Variants in PAX5 observed in about 807,000 individuals in gnomAD.
PAX5 encodes paired box protein Pax-5.
Under a neutral mutation model 43.7 loss-of-function variants are expected in PAX5, and 9 were observed. The ratio of observed to expected loss-of-function variants is 0.21; its 90% CI spans 0.12 to 0.36. PAX5 has a LOEUF of 0.36. Ranked by LOEUF, PAX5 falls within the 10% of genes least tolerant of loss-of-function variation. The probability of loss-of-function intolerance (pLI) is 1.00; values close to 1 mark genes in which losing one functional copy is unlikely to be tolerated. For missense variants in PAX5, 383 were observed against 532.7 expected, an observed-to-expected ratio of 0.72 and a Z score of 2.77; for synonymous variants, 228 against 214.3, an observed-to-expected ratio of 1.06 and a Z score of -0.56.
intron 2 of PAX5, 137 bp downstream of exon 2, chr9:37,020,499 G>A (rs1839762691): frequency 1.1e-6 from 1 of 882,398 alleles, no homozygotes; most frequent in South Asian, 1.7e-5. Flanking sequence ...GGGCTTTGCA[G>A]ACTTTAAAGT....
intron 8 of PAX5, among the ~76,000 whole-genome samples, chr9:36,867,384 C>T (rs1203022624): frequency 6.6e-6 from 1 of 152,192 alleles, no homozygotes; most frequent in Non-Finnish European, 1.5e-5. Context: ...AGTCACACTC[C>T]AAATTGGCAA....
chr9:36,934,120 G>T (rs1831357757), intron 6 of PAX5, among the ~76,000 whole-genome samples: 1 of 152,228 alleles, frequency 6.6e-6, no homozygotes, highest in Non-Finnish European at 1.5e-5. Flanking sequence ...ATTCCACCGG[G>T]TCTGGGGCCA....
At chr9:36,971,493 C>A (rs1834922490) in intron 5 of PAX5, among the ~76,000 whole-genome samples, 2 of 152,176 alleles carry the variant, frequency 1.3e-5, no homozygotes, top group African/African-American at 4.8e-5. Context: ...TGGAGGCAGG[C>A]TACAGAAATG....
intron 9 of PAX5, among the ~76,000 whole-genome samples, chr9:36,846,592 G>A (rs1006926431): frequency 2.6e-5 from 4 of 151,962 alleles, no homozygotes; most frequent in African/African-American, 9.7e-5. Context: ...TTTTTCCTCT[G>A]TTTCCCTTCT....
intron 1 of PAX5, among the ~76,000 whole-genome samples, chr9:37,033,237 T>C (rs543665271): frequency 1.4e-3 from 210 of 152,334 alleles, no homozygotes; most frequent in Non-Finnish European, 2.6e-3. Flanking sequence ...TTCCTGGTCC[T>C]ATCTCCCAAT....
At chr9:36,930,837 G>A (rs1317178555) in intron 6 of PAX5, 18 of 1,304,674 alleles carry the variant, frequency 1.4e-5, no homozygotes, top group African/African-American at 6.0e-5. Context: ...AAGGAGGCAC[G>A]TGCCCCAGGA....
chr9:36,924,736 GA>G (rs1830461054), intron 6 of PAX5, among the ~76,000 whole-genome samples: 1 of 25,924 alleles, frequency 3.9e-5, no homozygotes, highest in Non-Finnish European at 8.4e-5. Context: ...GAAAGAGGTG[GA>G]AGGAAGGAAG....
chr9:37,032,882 G>A (rs182196044), intron 1 of PAX5, among the ~76,000 whole-genome samples: 61 of 152,348 alleles, frequency 4.0e-4, no homozygotes, highest in African/African-American at 1.3e-3. Context: ...CCTAAGCCAG[G>A]GAGGCCTGTG....
chr9:36,949,091 T>C (rs1455049627), intron 6 of PAX5, among the ~76,000 whole-genome samples: 1 of 152,222 alleles, frequency 6.6e-6, no homozygotes, highest in African/African-American at 2.4e-5. Context: ...AGACAGAGTC[T>C]CGCTCTGTCG....
In PAX5 at chr9:37,002,805, C is replaced by T. The variant is rs760400897; in HGVS notation, c.476-29G>A. The T allele has an allele frequency of 8.8e-6, 14 of 1,594,104 alleles. No homozygotes were observed. In the East Asian group the frequency reaches 2.9e-4, roughly 34 times the overall value. The stretch of plus-strand genomic sequence containing the variant: ...CGCGGAGAAAGACGGGCGGTCAGGG[C>T]CGCAGAGGGCTGAGGGCGGCGGACC... On this transcript the variant is annotated intron_variant, in intron 4 of 9. Coordinates refer to ENST00000358127, the MANE Select transcript of PAX5 (RefSeq NM_016734.3).
chr9:36,958,856 C>G (rs558573796), intron 6 of PAX5, among the ~76,000 whole-genome samples: 1 of 152,234 alleles, frequency 6.6e-6, no homozygotes, highest in African/African-American at 2.4e-5. Flanking sequence ...ACTCCTCCCC[C>G]ATGGGACCTG....
intron 6 of PAX5, among the ~76,000 whole-genome samples, chr9:36,962,823 C>G (rs1465751925): frequency 1.3e-5 from 2 of 152,218 alleles, no homozygotes; most frequent in Non-Finnish European, 2.9e-5. Context: ...ACTGAGACAG[C>G]TCAATCTGCT....
At chr9:36,948,148 G>T (rs975389701) in intron 6 of PAX5, among the ~76,000 whole-genome samples, 1 of 152,198 alleles carries the variant, frequency 6.6e-6, no homozygotes, top group African/African-American at 2.4e-5. Context: ...GAGTGAGGGG[G>T]AGCAAACTAT....
intron 8 of PAX5, among the ~76,000 whole-genome samples, chr9:36,875,098 C>T (rs1028163275): frequency 3.9e-5 from 6 of 152,314 alleles, no homozygotes; most frequent in Admixed American, 3.3e-4. Context: ...GGTCCATGCT[C>T]TTAACCACCC....
At chr9:36,876,897 A>C (rs962317704) in intron 8 of PAX5, among the ~76,000 whole-genome samples, 1 of 152,226 alleles carries the variant, frequency 6.6e-6, no homozygotes, top group Non-Finnish European at 1.5e-5. Flanking sequence ...ACATGAGTCC[A>C]AGCTAACAAG....
chr9:36,943,529 T>TTCACACACAC (rs35815065), intron 6 of PAX5, among the ~76,000 whole-genome samples: 25,968 of 145,768 alleles, frequency 0.18, 2,941 homozygotes, highest in Non-Finnish European at 0.24. Context: ...TAGTTCAACA[T>TTCACACACAC]ACACACACAC....
At chr9:36,893,957 T>G (rs1271315733) in intron 7 of PAX5, among the ~76,000 whole-genome samples, 1 of 152,126 alleles carries the variant, frequency 6.6e-6, no homozygotes, top group African/African-American at 2.4e-5. Context: ...ATAATTAGCA[T>G]GTGGAGAGAG....
intron 5 of PAX5, among the ~76,000 whole-genome samples, chr9:36,988,302 A>T (rs1836630902): frequency 6.6e-6 from 1 of 152,194 alleles, no homozygotes; most frequent in South Asian, 2.1e-4. Flanking sequence ...CATGAATTCC[A>T]GTTGGTATTT....
In PAX5 at chr9:36,896,997, C is replaced by T. The variant is rs531223600; in HGVS notation, c.911-14892G>A. On this transcript the variant is annotated intron_variant, in intron 7 of 9. Transcript: ENST00000358127. ...TCGGTTCCTGCAGTCAGACTGCAGACCTTCTGGAGGAGAAGGCACTGAAAC... is the reference window on the plus strand; with the variant it reads ...TCGGTTCCTGCAGTCAGACTGCAGATCTTCTGGAGGAGAAGGCACTGAAAC... 4.6e-5 allele frequency among the ~76,000 whole-genome samples: 7 copies of T among 152,340 alleles called. No homozygotes were observed. The East Asian group carries it at 1.3e-3, about 29-fold the overall frequency.
Sources: gnomAD v4.1 joint callset for allele counts (sites outside exome capture counted in the v4.1 genomes callset) on GRCh38, gnomAD v4.1.1 for gene constraint, MANE v1.5 for transcripts, NCBI Gene and HGNC (gene_info 2026-07-23, HGNC 2026-07-21) for gene names.